Variants in IPO5 observed in about 807,000 individuals in gnomAD.
The protein encoded by IPO5 is importin 5, also known as importin-5.
In IPO5, 18 loss-of-function variants were observed where a neutral mutation model predicts 143.3. That is an observed-to-expected ratio of 0.13 (90% CI 0.09 to 0.19). The LOEUF is 0.19. IPO5 is among the 10% of genes least tolerant of loss of function. The pLI, the probability that IPO5 is intolerant of heterozygous loss-of-function variation, is 1.00. For missense variants in IPO5, 1,013 were observed against 1,336.9 expected, an observed-to-expected ratio of 0.76 and a Z score of 3.78; for synonymous variants, 477 against 465.7, an observed-to-expected ratio of 1.02 and a Z score of -0.31.
intron 24 of IPO5, 96 bp from the exon 25 acceptor site, chr13:98,016,633 T>C: frequency 1.6e-5 from 10 of 643,040 alleles, no homozygotes; most frequent in Non-Finnish European, 2.4e-5. Flanking sequence ...AGAAATTGAT[T>C]TTCTGCATTT....
intron 11 of IPO5, among the ~76,000 whole-genome samples, chr13:97,993,480 A>G (rs1238087897): frequency 6.6e-6 from 1 of 152,202 alleles, no homozygotes; most frequent in Non-Finnish European, 1.5e-5. Context: ...GACAGACTCT[A>G]TCATTTATAT....
At chr13:97,982,782 C>G (rs2139643153) in intron 5 of IPO5, among the ~76,000 whole-genome samples, 199 bp downstream of exon 5, 1 of 152,126 alleles carries the variant, frequency 6.6e-6, no homozygotes, top group East Asian at 1.9e-4. Flanking sequence ...TGAGAGTTGC[C>G]TTTTTTCCGC....
intron 4 of IPO5, among the ~76,000 whole-genome samples, chr13:97,979,699 ATTGAGTGTTTT>A (rs1347129811): frequency 7.9e-5 from 12 of 152,150 alleles, no homozygotes; most frequent in Non-Finnish European, 1.3e-4. Context: ...AGAGAATTTC[ATTGAGTGTTTT>A]TTGTAGAGAC....
intron 22 of IPO5, among the ~76,000 whole-genome samples, chr13:98,014,699 G>T (rs1339693282): frequency 6.6e-6 from 1 of 152,162 alleles, no homozygotes; most frequent in Non-Finnish European, 1.5e-5. Flanking sequence ...ATGGGCAGCA[G>T]CATGGAAGCA....
At chr13:98,000,360 T>C (rs554532599) in intron 12 of IPO5, among the ~76,000 whole-genome samples, 179 bp from the exon 13 acceptor site, 3 of 152,266 alleles carry the variant, frequency 2.0e-5, no homozygotes, top group African/African-American at 7.2e-5. Context: ...CATTTACTCT[T>C]TTTTCTTTTC....
chr13:97,956,190 C>G (rs1884449359), intron 2 of IPO5, among the ~76,000 whole-genome samples: 1 of 151,244 alleles, frequency 6.6e-6, no homozygotes, highest in South Asian at 2.1e-4. Flanking sequence ...TTCAGTGTTT[C>G]AAAAGGTTTC....
intron 4 of IPO5, among the ~76,000 whole-genome samples, chr13:97,977,698 TAG>T (rs1886496469): frequency 6.6e-6 from 1 of 152,234 alleles, no homozygotes; most frequent in South Asian, 2.1e-4. Flanking sequence ...CCAAGTTCAC[TAG>T]AAGACTGATG....
intron 27 of IPO5, 103 bp from the exon 28 acceptor site, chr13:98,020,889 G>A: frequency 1.1e-6 from 1 of 879,040 alleles, no homozygotes; most frequent in African/African-American, 1.7e-5. Context: ...AGATTGGCTG[G>A]TTTTCTTCCT....
At chr13:97,975,377 G>A (rs1049609891) in intron 3 of IPO5, among the ~76,000 whole-genome samples, 1 of 152,268 alleles carries the variant, frequency 6.6e-6, no homozygotes, top group East Asian at 1.9e-4. Flanking sequence ...TGTAATCCCA[G>A]GTATTTGGGA....
Position 98,002,917 on chromosome 13 carries a change from G to A in IPO5, c.1377G>A (p.Gln459=). The A allele has an allele frequency of 6.2e-7, 1 of 1,614,088 alleles. No individual in the cohort carries two copies. The highest frequency in any genetic ancestry group is 8.5e-7 in the Non-Finnish European group (1 of 1,179,914). The part of the protein sequence containing the change: ...TMEDQGNQRV[Q]AHAAAALINF... Reference sequence around the variant, plus strand: ...AAGACCAAGGCAATCAACGTGTGCAGGCCCATGCAGCTGCTGCCCTCATTA... The same window carrying A: ...AAGACCAAGGCAATCAACGTGTGCAAGCCCATGCAGCTGCTGCCCTCATTA... Residue 459 remains glutamine, a synonymous_variant, in exon 16 of 29, where the codon CAG becomes CAA. Coordinates refer to ENST00000651721, the MANE Select transcript of IPO5 (RefSeq NM_002271.6).
At chr13:97,957,536 A>T (rs970974760) in intron 2 of IPO5, among the ~76,000 whole-genome samples, 1 of 152,258 alleles carries the variant, frequency 6.6e-6, no homozygotes, top group South Asian at 2.1e-4. Context: ...ATTGTTAAAC[A>T]ATGTTTCTAA....
Position 97,970,027 on chromosome 13 carries a change from A to G in IPO5, c.-5+197A>G, listed in dbSNP as rs1885689263. The G allele has an allele frequency of 1.2e-5, 7 of 566,466 alleles. No homozygotes were observed. The South Asian group carries it at 1.5e-4, about 12-fold the overall frequency. 35.1% of individuals were successfully genotyped at this position (566,466 alleles called of 1,614,324 possible). A position where few individuals can be genotyped will look rare whatever the true frequency, so the allele number is the denominator to read the frequency against. On this transcript the variant is annotated intron_variant, in intron 3 of 28. Transcript: ENST00000651721. ...AGTCACTTCCTAAATGTCAATGTACAAAGTATGTAGGACACCTATGTGTAG... is the reference window on the plus strand; with the variant it reads ...AGTCACTTCCTAAATGTCAATGTACGAAGTATGTAGGACACCTATGTGTAG...
intron 6 of IPO5, among the ~76,000 whole-genome samples, chr13:97,986,616 A>T (rs1594069238): frequency 6.6e-6 from 1 of 151,994 alleles, no homozygotes. Flanking sequence ...TCCCAAAGTG[A>T]TGGGATTACA....
At chr13:97,998,410 A>G (rs1315619916) in intron 12 of IPO5, among the ~76,000 whole-genome samples, 1 of 152,218 alleles carries the variant, frequency 6.6e-6, no homozygotes, top group African/African-American at 2.4e-5. Flanking sequence ...TTACAGGCAG[A>G]GACTTCCCTT....
chr13:98,012,206 T>A (rs757081808), intron 20 of IPO5, 40 bp from the exon 21 acceptor site: 1 of 1,189,982 alleles, frequency 8.4e-7, no homozygotes, highest in South Asian at 1.2e-5. Context: ...GCTTGAAGAC[T>A]AACATGAATC....
chr13:98,012,219 T>C (rs1386674425), intron 20 of IPO5, 27 bp from the exon 21 acceptor site: 32 of 1,333,630 alleles, frequency 2.4e-5, no homozygotes, highest in Non-Finnish European at 3.5e-5. Flanking sequence ...CATGAATCTT[T>C]ATTTCCTCCC....
At position 98,006,358 on chromosome 13, in the gene IPO5, T is replaced by TTTTTTTTA; in HGVS notation, c.1716+17_1716+18insATTTTTTT. Reference sequence around the variant, plus strand: ...TGTTGGGAAGGAAAAAGTAAGTAATTTTTTTTTTTTTTTTTTTTTTTTTTT... The same window carrying TTTTTTTTA: ...TGTTGGGAAGGAAAAAGTAAGTAATTTTTTTTTATTTTTTTTTTTTTTTTTTTTTTTTT... On this transcript the variant is annotated intron_variant, in intron 17 of 28. Transcript: ENST00000651721. The TTTTTTTTA allele has an allele frequency of 1.3e-5, 2 of 155,126 alleles. No individual in the cohort carries two copies. The allele number at this position is 155,126 out of a possible 1,614,324, so 9.6% of individuals were successfully genotyped here. A position where few individuals can be genotyped will look rare whatever the true frequency, so the allele number is the denominator to read the frequency against.
intron 13 of IPO5, 92 bp downstream of exon 13, chr13:98,000,737 C>A (rs1349960670): frequency 2.4e-6 from 2 of 819,484 alleles, no homozygotes; most frequent in Non-Finnish European, 4.1e-6. Context: ...AAAAATTAAT[C>A]TTTGTCTTTT....
At chr13:97,956,415 G>A (rs1884464197) in intron 2 of IPO5, among the ~76,000 whole-genome samples, 1 of 152,116 alleles carries the variant, frequency 6.6e-6, no homozygotes, top group Non-Finnish European at 1.5e-5. Flanking sequence ...AAAGTAGGTT[G>A]AGCATTTTTA....
Sources: gnomAD v4.1 joint callset for allele counts (sites outside exome capture counted in the v4.1 genomes callset) on GRCh38, gnomAD v4.1.1 for gene constraint, MANE v1.5 for transcripts, NCBI Gene and HGNC (gene_info 2026-07-23, HGNC 2026-07-21) for gene names.